Variants in TNFRSF4 observed in about 807,000 individuals in gnomAD.
TNFRSF4 encodes the protein tumor necrosis factor receptor superfamily member 4.
TNFRSF4 carries 21 observed loss-of-function variants against 29.5 expected under a neutral mutation model. The observed-to-expected ratio is 0.71, with a 90% confidence interval of 0.51 to 1.03. The LOEUF (loss-of-function observed/expected upper bound fraction) is 1.03, where lower values mean the gene tolerates loss of function less well. TNFRSF4 is among the 50% of genes least tolerant of loss of function. The pLI is 0.00. For synonymous variants in TNFRSF4, 197 were observed against 172.7 expected, an observed-to-expected ratio of 1.14 and a Z score of -1.10; for missense variants, 408 against 387.8, an observed-to-expected ratio of 1.05 and a Z score of -0.44.
At position 1,214,037 on chromosome 1, in the gene TNFRSF4, A is replaced by G. The variant is rs145743320; in HGVS notation, c.91T>C (p.Cys31Arg). ...LGLSTVTGLH[C>R]VGDTYPSNDR... ...TTGCTGGGGTAGGTGTCCCCGACAC[A>G]GTGGAGCCCCGTCACGGTGCTCAGC... is the stretch of plus-strand genomic sequence containing the variant. Residue 31 changes from cysteine to arginine, a missense_variant, in exon 1 of 7, where the codon TGT becomes CGT. Cys to Arg is a radical substitution (Grantham distance 180). Coordinates refer to ENST00000379236, the MANE Select transcript of TNFRSF4 (RefSeq NM_003327.4). This position sits in a 1 kb window ranked among gnomAD's most constrained non-coding sequence, Gnocchi z 4.2. 16 of 1,604,122 alleles carry G rather than the reference A, an allele frequency of 1.0e-5. No individual in the cohort carries two copies. The African/African-American group carries it at 2.0e-4, about 20-fold the overall frequency.
chr1:1,213,063 G>C lies in TNFRSF4; in HGVS notation c.299C>G (p.Thr100Arg). ...GCGGCAGACTGTGTCCTGTGTGGCC[G>C]TGCACAGCTGCTTCCGCTCACTCCC... ...RSGSERKQLCTATQDTVCRCR... is the reference protein window; with the variant it reads ...RSGSERKQLCRATQDTVCRCR... The change falls in exon 3 of 7, where the codon ACG becomes AGG. Residue 100 changes from threonine (T) to arginine (R), a missense_variant. Physicochemically the swap from Thr to Arg is moderately conservative, Grantham distance 71. Coordinates refer to ENST00000379236, the MANE Select transcript of TNFRSF4 (RefSeq NM_003327.4). The C allele has an allele frequency of 1.2e-6, 2 of 1,610,786 alleles. No homozygotes were observed. Among genetic ancestry groups the C allele is most frequent in the African/African-American group, 1.3e-5 (1 of 75,052 alleles).
chr1:1,211,952 C>T lies in TNFRSF4; in HGVS notation c.624G>A (p.Glu208=). 1.3e-6 allele frequency: 2 copies of T among 1,572,980 alleles called. No individual in the cohort carries two copies. The highest frequency in any genetic ancestry group is 1.4e-5 in the African/African-American group (1 of 73,938). Residue 208 remains glutamate, a synonymous_variant, in exon 5 of 7, where the codon GAG becomes GAA. Transcript: ENST00000379236. The part of the protein sequence containing the change: ...TSQGPSTRPV[E]VPGGRAVAAI... ...GCCAGGCGCCCTTACCCCCGGGGAC[C>T]TCCACGGGCCGGGTGGAGGGTCCCT...
rs146733335 is a variant in TNFRSF4 at position 1,213,011 on chromosome 1, G to A, written c.351C>T (p.Asp117=). Residue 117 remains aspartate, a synonymous_variant, in exon 3 of 7, where the codon GAC becomes GAT. Transcript: ENST00000379236. The part of the protein sequence containing the change: ...CRCRAGTQPL[D]SYKPGVDCAP... ...GCTCACCAACTCCAGGCTTGTAGCT[G>A]TCCAGGGGCTGGGTGCCCGCCCGGC... The A allele has an allele frequency of 1.1e-5, 18 of 1,611,632 alleles. 1 individual carries two copies. The highest frequency in any genetic ancestry group is 1.7e-5 in the Admixed American group (1 of 59,896).
rs776699361 is a variant in TNFRSF4 at position 1,212,597 on chromosome 1, C to CG, written c.437+40_437+41insC. The CG allele has an allele frequency of 2.3e-5, 14 of 599,152 alleles. No individual in the cohort carries two copies. In the African/African-American group the frequency reaches 5.2e-4, roughly 22 times the overall value. The allele number at this position is 599,152 out of a possible 1,614,324, so 37.1% of individuals were successfully genotyped here. ...TCCTCCGCCCTCCTAACCACCCCAA[C>CG]CCCCCCCCAGCCCCTCCCAGCCCCT... On this transcript the variant is annotated intron_variant, in intron 4 of 6. Transcript: ENST00000379236.
chr1:1,213,880 T>G, intron 1 of TNFRSF4, 95 bp from the exon 2 acceptor site: 60 of 920,914 alleles, frequency 6.5e-5, no homozygotes, highest in Non-Finnish European at 8.2e-5. Flanking sequence ...GGCCGGCCCC[T>G]CACCCGCCCC....
At position 1,213,643 on chromosome 1, in the gene TNFRSF4, G is replaced by T. The variant is rs1287150826; in HGVS notation, c.268+20C>A. 1 of 1,571,256 alleles carries T rather than the reference G, an allele frequency of 6.4e-7. No homozygotes were observed. The highest frequency in any genetic ancestry group is 8.6e-7 in the Non-Finnish European group (1 of 1,157,714). On this transcript the variant is annotated intron_variant, in intron 2 of 6. Transcript: ENST00000379236. The stretch of plus-strand genomic sequence containing the variant: ...CGCCCCCTGTGCTGGGTGGGGCTGT[G>T]GGGCCAGGTGGGAGCTCACTGAGGT...
At position 1,211,950 on chromosome 1, in the gene TNFRSF4, A is replaced by C; in HGVS notation, c.626T>G (p.Val209Gly). Residue 209 changes from valine to glycine, a missense_variant, in exon 5 of 7, where the codon GTC (valine) becomes GGC (glycine). Val to Gly is a moderately radical substitution (Grantham distance 109, BLOSUM62 -3). Coordinates refer to ENST00000379236, the MANE Select transcript of TNFRSF4 (RefSeq NM_003327.4). The stretch of plus-strand genomic sequence containing the variant: ...GGGCCAGGCGCCCTTACCCCCGGGG[A>C]CCTCCACGGGCCGGGTGGAGGGTCC... ...SQGPSTRPVE[V>G]PGGRAVAAIL... 6.4e-7 allele frequency: 1 copy of C among 1,568,538 alleles called. No individual in the cohort carries two copies. The highest frequency in any genetic ancestry group is 8.6e-7 in the Non-Finnish European group (1 of 1,159,854).
chr1:1,213,283 A>G, intron 2 of TNFRSF4, 190 bp from the exon 3 acceptor site: 4 of 1,530,726 alleles, frequency 2.6e-6, no homozygotes, highest in Non-Finnish European at 3.5e-6. Flanking sequence ...CCTGGCCACA[A>G]CCTGGGGCTG....
In TNFRSF4 at chr1:1,213,065, G is replaced by A. The variant is rs34160451; in HGVS notation, c.297C>T (p.Cys99=). 34,947 of 1,610,736 alleles carry A rather than the reference G, an allele frequency of 0.022. 445 individuals carry two copies. Among genetic ancestry groups the A allele is most frequent in the Non-Finnish European group, 0.025 (29,377 of 1,179,240 alleles). The part of the protein sequence containing the change: ...LRSGSERKQL[C]TATQDTVCRC... ...GGCAGACTGTGTCCTGTGTGGCCGT[G>A]CACAGCTGCTTCCGCTCACTCCCAC... The change falls in exon 3 of 7, where the codon TGC becomes TGT. Residue 99 remains cysteine (C), a synonymous_variant. Transcript: ENST00000379236.
At chr1:1,213,841 C>T (rs1649333417) in intron 1 of TNFRSF4, 56 bp from the exon 2 acceptor site, 1 of 1,515,290 alleles carries the variant, frequency 6.6e-7, no homozygotes, top group African/African-American at 1.4e-5. Flanking sequence ...CGCCCGTGGA[C>T]CCCCCCAGGC....
chr1:1,212,917 C>A, intron 3 of TNFRSF4, 75 bp downstream of exon 3: 2 of 1,445,604 alleles, frequency 1.4e-6, no homozygotes, highest in Non-Finnish European at 1.9e-6. Flanking sequence ...CAGGTCCCTG[C>A]GGCCCACGGC....
chr1:1,213,815 T>G, intron 1 of TNFRSF4, 30 bp from the exon 2 acceptor site: 1 of 1,575,198 alleles, frequency 6.3e-7, no homozygotes, highest in Non-Finnish European at 8.6e-7. Context: ...CAGGCAGCGG[T>G]CAGGCCCCAG....
At position 1,211,376 on chromosome 1, in the gene TNFRSF4, G is replaced by T; in HGVS notation, c.*179C>A. 1.9e-6 allele frequency: 1 copy of T among 526,960 alleles called. No individual in the cohort carries two copies. The highest frequency in any genetic ancestry group is 3.1e-6 in the Non-Finnish European group (1 of 318,116). The allele number at this position is 526,960 out of a possible 1,614,324, so 32.6% of individuals were successfully genotyped here. A position where few individuals can be genotyped will look rare whatever the true frequency, so the allele number is the denominator to read the frequency against. On this transcript the variant is annotated 3_prime_UTR_variant, in exon 7 of 7. Coordinates refer to ENST00000379236, the MANE Select transcript of TNFRSF4 (RefSeq NM_003327.4). The stretch of plus-strand genomic sequence containing the variant: ...AAGGTTTTTATTGTGGTCCCGCGGG[G>T]CAGGAGGTATGCATGGCATACGTAA...
rs749945507 is a variant in TNFRSF4, at chr1:1,213,111, G to T, written c.269-18C>A. 1.0e-5 allele frequency: 16 copies of T among 1,597,884 alleles called. No individual in the cohort carries two copies. Among genetic ancestry groups the T allele is most frequent in the East Asian group, 6.8e-5 (3 of 44,408 alleles). ...CCCACTTCCTGAGCAGGGGCCGGATGGGGGGGTGGTCAGGTGGGGGCTGTG... is the reference window on the plus strand; with the variant it reads ...CCCACTTCCTGAGCAGGGGCCGGATTGGGGGGTGGTCAGGTGGGGGCTGTG... On this transcript the variant is annotated intron_variant, in intron 2 of 6. Transcript: ENST00000379236.
At chr1:1,213,829 T>C in intron 1 of TNFRSF4, 44 bp from the exon 2 acceptor site, 1 of 1,552,676 alleles carries the variant, frequency 6.4e-7, no homozygotes, top group Non-Finnish European at 8.7e-7. Context: ...GCCCCAGGCT[T>C]GCGCCCGTGG....
Position 1,213,746 on chromosome 1 carries a change from G to C in TNFRSF4, c.185C>G (p.Thr62Arg). 6.2e-7 allele frequency: 1 copy of C among 1,603,536 alleles called. No individual in the cohort carries two copies. Among genetic ancestry groups the C allele is most frequent in the Non-Finnish European group, 8.5e-7 (1 of 1,176,304 alleles). ...MVSRCSRSQN[T>R]VCRPCGPGFY... ...GCCCGGCCCGCACGGACGGCACACC[G>C]TGTTCTGGGAGCGGCTGCAGCGGCT... The change falls in exon 2 of 7, where the codon ACG (threonine) becomes AGG (arginine). Residue 62 changes from threonine to arginine, a missense_variant. Transcript: ENST00000379236.
At chr1:1,212,329 C>T (rs979664224) in intron 4 of TNFRSF4, among the ~76,000 whole-genome samples, 191 bp from the exon 5 acceptor site, 1 of 152,108 alleles carries the variant, frequency 6.6e-6, no homozygotes, top group Non-Finnish European at 1.5e-5. Flanking sequence ...ACACCCTTCT[C>T]CCACATCTAC....
chr1:1,213,608 G>A (rs1197210293), intron 2 of TNFRSF4, 55 bp downstream of exon 2: 8 of 1,521,344 alleles, frequency 5.3e-6, no homozygotes, highest in Non-Finnish European at 6.2e-6. Flanking sequence ...GAATGTGGGT[G>A]CCAGGCTGCC....
Position 1,211,945 on chromosome 1 carries a change from CG to C in TNFRSF4, c.630del (p.Gly212AlafsTer?). On this transcript the variant is annotated frameshift_variant, in exon 5 of 7. Coordinates refer to ENST00000379236, the MANE Select transcript of TNFRSF4 (RefSeq NM_003327.4). LOFTEE classifies it high-confidence loss of function. Reference protein sequence around the residue: ...QGPSTRPVEVPGGRAVAAILG... With the variant: ...QGPSTRPVEVXGGRAVAAILG... ...GGGCTGGGCCAGGCGCCCTTACCCC[CG>C]GGGACCTCCACGGGCCGGGTGGAGG... is the stretch of plus-strand genomic sequence containing the variant. 1 of 1,563,444 alleles carries C rather than the reference CG, an allele frequency of 6.4e-7. No individual in the cohort carries two copies. Among genetic ancestry groups the C allele is most frequent in the Non-Finnish European group, 8.6e-7 (1 of 1,157,492 alleles).
Sources: allele counts gnomAD v4.1 joint callset (sites outside exome capture counted in the v4.1 genomes callset), GRCh38; gene constraint gnomAD v4.1.1; non-coding constraint Gnocchi (gnomAD v3.1); transcripts MANE v1.5; gene names NCBI Gene and HGNC (gene_info 2026-07-23, HGNC 2026-07-21).